The following MPRIP variants were observed in gnomAD, a reference collection of about 807,000 sequenced individuals.
MPRIP encodes myosin phosphatase Rho interacting protein.
In MPRIP, 59 loss-of-function variants were observed where a neutral mutation model predicts 234.9. The ratio of observed to expected loss-of-function variants is 0.25; its 90% CI spans 0.20 to 0.31. MPRIP has a LOEUF of 0.31. Ranked by LOEUF, MPRIP falls within the 10% of genes least tolerant of loss-of-function variation. MPRIP has a pLI of 1.00. For missense variants in MPRIP, 2,436 were observed against 3,071.0 expected, an observed-to-expected ratio of 0.79 and a Z score of 4.89; for synonymous variants, 1,144 against 1,263.9, an observed-to-expected ratio of 0.91 and a Z score of 2.01.
chr17:17,043,093 A>T (rs1049847588), intron 1 of MPRIP, 122 bp downstream of exon 1: 2 of 950,264 alleles, frequency 2.1e-6, no homozygotes, highest in Non-Finnish European at 1.6e-6. Context: ...GTCCTGGGGC[A>T]TGGGGACGGG....
At chr17:17,168,746 A>G (rs1271042685) in intron 16 of MPRIP, 1 of 413,336 alleles carries the variant, frequency 2.4e-6, no homozygotes, top group South Asian at 1.7e-5. Flanking sequence ...CCTTCCACTC[A>G]GGAAGCTGCC....
intron 1 of MPRIP, among the ~76,000 whole-genome samples, chr17:17,054,147 AAAC>A (rs1440502395): frequency 6.6e-6 from 1 of 152,250 alleles, no homozygotes; most frequent in Non-Finnish European, 1.5e-5. Context: ...AGATGAATAA[AAAC>A]AAGTAAGATC....
In MPRIP at chr17:17,184,889, G is replaced by A. The variant is rs766361263; in HGVS notation, c.7273G>A (p.Asp2425Asn). 5 of 1,610,540 alleles carry A rather than the reference G, an allele frequency of 3.1e-6. No individual in the cohort carries two copies. The South Asian group carries it at 3.3e-5, about 11-fold the overall frequency. ...CTTTGAATCCAGGGACTTGAAGAAA[G>A]ACTAGGTGTGTCCCATCCAAGTTGA... is the stretch of plus-strand genomic sequence containing the variant. Reference protein sequence around the residue: ...KLFESRDLKKD With the variant: ...KLFESRDLKKN Residue 2425 changes from aspartate to asparagine, a missense_variant, in exon 24 of 24, where the codon GAC (aspartate) becomes AAC (asparagine). Transcript: ENST00000651222.
At chr17:17,109,486 G>A (rs1416187624) in intron 3 of MPRIP, among the ~76,000 whole-genome samples, 1 of 152,244 alleles carries the variant, frequency 6.6e-6, no homozygotes, top group Non-Finnish European at 1.5e-5. Context: ...AGGCAGGCAA[G>A]GGAAGGAGGC....
chr17:17,063,075 G>A (rs2088914778), intron 1 of MPRIP, among the ~76,000 whole-genome samples: 1 of 152,234 alleles, frequency 6.6e-6, no homozygotes, highest in African/African-American at 2.4e-5. Context: ...CCTCAGTGCT[G>A]ATCGTCCCTC....
At chr17:17,137,842 T>C in intron 6 of MPRIP, 74 bp from the exon 7 acceptor site, 2 of 1,414,872 alleles carry the variant, frequency 1.4e-6, no homozygotes, top group Non-Finnish European at 1.9e-6. Flanking sequence ...TACATGGGCT[T>C]TAAAAAAAAA....
At position 17,126,696 on chromosome 17, in the gene MPRIP, T is replaced by A. The variant is rs756560166; in HGVS notation, c.268-6T>A. 3.1e-6 allele frequency: 5 copies of A among 1,608,076 alleles called. No homozygotes were observed. Among genetic ancestry groups the A allele is most frequent in the Non-Finnish European group, 3.4e-6 (4 of 1,176,912 alleles). On this transcript the variant is annotated splice_region_variant and splice_polypyrimidine_tract_variant and intron_variant, in intron 3 of 23. Coordinates refer to ENST00000651222, the MANE Select transcript of MPRIP (RefSeq NM_001364716.4). ...CTCTGGGTGACTCTCTGCCGCCTTC[T>A]TCCAGCCCACGACCCTTCCTCAGGG...
At chr17:17,132,762 G>A (rs1195022683) in intron 5 of MPRIP, among the ~76,000 whole-genome samples, 1 of 152,230 alleles carries the variant, frequency 6.6e-6, no homozygotes, top group Non-Finnish European at 1.5e-5. Context: ...AGGCAGGTGG[G>A]GGACACCCAA....
chr17:17,140,757 C>T (rs2090796581), intron 7 of MPRIP, among the ~76,000 whole-genome samples: 1 of 152,316 alleles, frequency 6.6e-6, no homozygotes, highest in African/African-American at 2.4e-5. Flanking sequence ...AGTGAGTCAC[C>T]TCTGGCTGCT....
chr17:17,177,206 C>G (rs749852804), intron 21 of MPRIP, 44 bp from the exon 22 acceptor site: 2 of 1,588,244 alleles, frequency 1.3e-6, no homozygotes, highest in Non-Finnish European at 1.7e-6. Context: ...ATGTGCTCCT[C>G]TTTCCTGGAT....
intron 3 of MPRIP, chr17:17,096,759 T>A (rs935533520): frequency 2.1e-6 from 1 of 471,016 alleles, no homozygotes; most frequent in African/African-American, 2.0e-5. Flanking sequence ...TTCCTTTTCC[T>A]CACTCCAGAT....
At chr17:17,068,529 CT>C (rs111424564) in intron 1 of MPRIP, among the ~76,000 whole-genome samples, 125 of 144,452 alleles carry the variant, frequency 8.7e-4, no homozygotes, top group East Asian at 1.0e-3. Context: ...CTACCTTTAT[CT>C]TTTTTTTTTT....
rs1467035662 is a variant in MPRIP at position 17,165,910 on chromosome 17, T to C, written c.4319T>C (p.Val1440Ala). The C allele has an allele frequency of 7.7e-7, 1 of 1,303,898 alleles. No homozygotes were observed. The highest frequency in any genetic ancestry group is 2.3e-5 in the Admixed American group (1 of 43,540). The allele number at this position is 1,303,898 out of a possible 1,614,324, so 80.8% of individuals were successfully genotyped here. A position where few individuals can be genotyped will look rare whatever the true frequency, so the allele number is the denominator to read the frequency against. Residue 1440 changes from valine to alanine, a missense_variant, in exon 16 of 24, where the codon GTT becomes GCT. Transcript: ENST00000651222. ...CAGCTCCGCGCCAGCCTGCTCCAGG[T>C]TGGCGCACTGGCCTCCCAGCTGGAG... ...REQLRASLLQVGALASQLEQE... is the reference protein window; with the variant it reads ...REQLRASLLQAGALASQLEQE...
intron 17 of MPRIP, 41 bp downstream of exon 17, chr17:17,171,906 A>C (rs200960673): frequency 8.7e-5 from 137 of 1,583,642 alleles, no homozygotes; most frequent in Non-Finnish European, 1.1e-4. Flanking sequence ...GTGGGTGGCC[A>C]GCTTTTTTTG....
chr17:17,173,194 T>G (rs1205320421), intron 18 of MPRIP, among the ~76,000 whole-genome samples: 1 of 152,250 alleles, frequency 6.6e-6, no homozygotes, highest in East Asian at 1.9e-4. Context: ...CACTGTGGTT[T>G]AAAACCACAC....
Position 17,165,762 on chromosome 17 carries a change from T to C in MPRIP, c.4171T>C (p.Tyr1391His), listed in dbSNP as rs1312699520. 1.5e-6 allele frequency: 2 copies of C among 1,304,688 alleles called. No individual in the cohort carries two copies. The highest frequency in any genetic ancestry group is 1.2e-5 in the South Asian group (1 of 81,030). 80.8% of individuals were successfully genotyped at this position (1,304,688 alleles called of 1,614,324 possible). The change falls in exon 16 of 24, where the codon TAC becomes CAC. Residue 1391 changes from tyrosine (Y) to histidine (H), a missense_variant. Transcript: ENST00000651222. Reference protein sequence around the residue: ...SIIHSLETKLYVTEEKLKDVT... With the variant: ...SIIHSLETKLHVTEEKLKDVT... ...CATCCACTCCCTGGAGACCAAGCTC[T>C]ACGTCACAGAGGAAAAGCTCAAAGA... is the stretch of plus-strand genomic sequence containing the variant.
chr17:17,057,783 C>G, intron 1 of MPRIP: 2 of 705,280 alleles, frequency 2.8e-6, no homozygotes, highest in Non-Finnish European at 5.3e-6. Context: ...CCGAGGTGGC[C>G]CCTGAAGCAT....
intron 17 of MPRIP, 30 bp from the exon 18 acceptor site, chr17:17,172,668 T>A: frequency 6.3e-7 from 1 of 1,588,000 alleles, no homozygotes; most frequent in South Asian, 1.1e-5. Context: ...GCGTGGTCCC[T>A]CGGTGCTGAG....
At chr17:17,094,090 A>G (rs1163649537) in intron 3 of MPRIP, among the ~76,000 whole-genome samples, 1 of 144,120 alleles carries the variant, frequency 6.9e-6, no homozygotes, top group Non-Finnish European at 1.5e-5. Flanking sequence ...CTTCTCCCCC[A>G]CCTGTTTTTT....
Sources: allele counts gnomAD v4.1 joint callset (sites outside exome capture counted in the v4.1 genomes callset), GRCh38; gene constraint gnomAD v4.1.1; transcripts MANE v1.5; gene names NCBI Gene and HGNC (gene_info 2026-07-23, HGNC 2026-07-21).